GRM8: variants seen among roughly 807,000 people sequenced by gnomAD.
The protein encoded by GRM8 is metabotropic glutamate receptor 8.
GRM8 carries 47 observed loss-of-function variants against 87.2 expected under a neutral mutation model. The ratio of observed to expected loss-of-function variants is 0.54; its 90% CI spans 0.43 to 0.69. The LOEUF (loss-of-function observed/expected upper bound fraction) is 0.69, where lower values mean the gene tolerates loss of function less well. GRM8 is among the 30% of genes least tolerant of loss of function. GRM8 has a pLI of 0.00. For synonymous variants in GRM8, 396 were observed against 404.5 expected (o/e 0.98, Z 0.25); for missense variants, 1,019 against 1,139.2 (o/e 0.89, Z 1.52).
Position 126,553,221 on chromosome 7 carries a change from T to A in GRM8, c.1495-19334A>T, listed in dbSNP as rs541677203. Among the ~76,000 whole-genome samples, 19 of 152,282 alleles carry A rather than the reference T, an allele frequency of 1.2e-4. No homozygotes were observed. The East Asian group carries it at 3.5e-3, about 28-fold the overall frequency. ...CTATTTTCTATTTCCCATTTTAACA[T>A]CTCTATAATAAACAACAGATAAATT... On this transcript the variant is annotated intron_variant, in intron 8 of 10. Transcript: ENST00000339582.
At chr7:126,452,185 C>CA (rs994819644) in intron 9 of GRM8, among the ~76,000 whole-genome samples, 87 of 148,714 alleles carry the variant, frequency 5.9e-4, no homozygotes, top group African/African-American at 2.1e-3. Flanking sequence ...ATCACAAGGA[C>CA]AAAAAACCAA....
At position 126,902,596 on chromosome 7, in the gene GRM8, C is replaced by T. The variant is rs1429660460; in HGVS notation, c.1102G>A (p.Gly368Ser). Residue 368 changes from glycine to serine, a missense_variant, in exon 6 of 11, where the codon GGC (glycine) becomes AGC (serine). Physicochemically the swap from Gly to Ser is moderately conservative, Grantham distance 56. Transcript: ENST00000339582. The part of the protein sequence containing the change: ...WFAEFWEENF[G>S]CKLGSHGKRN... ...TTCCCATGTGATCCTAACTTGCAGCCAAAATTCTCCTCCCAGAATTCTGCA... is the reference window on the plus strand; with the variant it reads ...TTCCCATGTGATCCTAACTTGCAGCTAAAATTCTCCTCCCAGAATTCTGCA... The T allele has an allele frequency of 1.2e-6, 2 of 1,610,062 alleles. No homozygotes were observed. The highest frequency in any genetic ancestry group is 1.3e-5 in the African/African-American group (1 of 74,774).
intron 3 of GRM8, chr7:127,095,654 CTG>C (rs1824576338): frequency 6.6e-6 from 1 of 152,208 alleles, no homozygotes. Flanking sequence ...TCATATGCCA[CTG>C]TGTACTTCCT....
chr7:127,217,513 T>C (rs1405066943), intron 2 of GRM8, among the ~76,000 whole-genome samples: 1 of 152,234 alleles, frequency 6.6e-6, no homozygotes, highest in Non-Finnish European at 1.5e-5. Flanking sequence ...TTTTGGCCTC[T>C]TGTCCAGAGA....
Position 126,446,228 on chromosome 7 carries a change from C to A in GRM8, c.2575G>T (p.Val859Leu), listed in dbSNP as rs539871947. The change falls in exon 10 of 11, where the codon GTG (valine) becomes TTG (leucine). Residue 859 changes from valine (V) to leucine (L), a missense_variant. Transcript: ENST00000339582. ...VQKRKRSFKA[V>L]VTAATMQSKL... The stretch of plus-strand genomic sequence containing the variant: ...CTTTGCATGGTGGCAGCTGTCACCA[C>A]AGCCTTGAAGCTCCTCTTGCGTTTT... The A allele has an allele frequency of 6.2e-7, 1 of 1,613,050 alleles. No individual in the cohort carries two copies. The highest frequency in any genetic ancestry group is 2.2e-5 in the East Asian group (1 of 44,784).
intron 3 of GRM8, among the ~76,000 whole-genome samples, chr7:126,991,710 A>C (rs1362946963): frequency 6.6e-6 from 1 of 152,212 alleles, no homozygotes; most frequent in Non-Finnish European, 1.5e-5. Context: ...GTGAACTTCT[A>C]CTAAAGCAAA....
intron 7 of GRM8, among the ~76,000 whole-genome samples, chr7:126,722,229 C>T (rs1290990356): frequency 1.3e-5 from 2 of 152,146 alleles, no homozygotes; most frequent in Admixed American, 1.3e-4. Flanking sequence ...TTTCTCTCTA[C>T]AGAGTGCCCT....
chr7:126,631,315 T>C (rs940222788), intron 7 of GRM8, among the ~76,000 whole-genome samples: 12 of 151,798 alleles, frequency 7.9e-5, no homozygotes, highest in African/African-American at 2.7e-4. Context: ...CCTAGGAATA[T>C]AGCTAACAAG....
Position 126,770,050 on chromosome 7 carries a change from G to A in GRM8, c.1172C>T (p.Ala391Val). Residue 391 changes from alanine (A) to valine (V), a missense_variant, in exon 7 of 11, where the codon GCT becomes GTT. Coordinates refer to ENST00000339582, the MANE Select transcript of GRM8 (RefSeq NM_000845.3). Reference protein sequence around the residue: ...IKKCTGLERIARDSSYEQEGK... With the variant: ...IKKCTGLERIVRDSSYEQEGK... ...TTCCTGTTCATAAGATGAATCCCGAGCAATTCGCTCCAGCCCTGCAAAATA... is the reference window on the plus strand; with the variant it reads ...TTCCTGTTCATAAGATGAATCCCGAACAATTCGCTCCAGCCCTGCAAAATA... 6.2e-7 allele frequency: 1 copy of A among 1,611,532 alleles called. No individual in the cohort carries two copies. Among genetic ancestry groups the A allele is most frequent in the Non-Finnish European group, 8.5e-7 (1 of 1,178,332 alleles).
At chr7:126,715,975 C>T (rs1014537806) in intron 7 of GRM8, among the ~76,000 whole-genome samples, 1 of 152,048 alleles carries the variant, frequency 6.6e-6, no homozygotes, top group Non-Finnish European at 1.5e-5. Flanking sequence ...TATAATTGAA[C>T]TCTGTTCTCT....
intron 9 of GRM8, among the ~76,000 whole-genome samples, chr7:126,493,214 A>G (rs1306525337): frequency 1.3e-5 from 2 of 152,080 alleles, no homozygotes; most frequent in African/African-American, 4.8e-5. Context: ...GAGGGTAGAA[A>G]GCATCCAGCT....
chr7:126,539,370 T>A (rs1279371594), intron 8 of GRM8, among the ~76,000 whole-genome samples: 5 of 152,078 alleles, frequency 3.3e-5, no homozygotes, highest in African/African-American at 1.2e-4. Context: ...TTTCCCACAT[T>A]GATCTGCATA....
At chr7:126,702,038 C>T (rs747138842) in intron 7 of GRM8, among the ~76,000 whole-genome samples, 1 of 152,110 alleles carries the variant, frequency 6.6e-6, no homozygotes, top group East Asian at 1.9e-4. Flanking sequence ...CAATGAGTGT[C>T]GTTTAGTGAA....
chr7:126,635,314 C>A (rs1319105131), intron 7 of GRM8, among the ~76,000 whole-genome samples: 1 of 152,114 alleles, frequency 6.6e-6, no homozygotes, highest in Non-Finnish European at 1.5e-5. Flanking sequence ...TGCCTTATAG[C>A]TATTTATGCT....
chr7:127,022,093 T>G (rs934387097), intron 3 of GRM8, among the ~76,000 whole-genome samples: 2 of 152,086 alleles, frequency 1.3e-5, no homozygotes, highest in Non-Finnish European at 1.5e-5. Flanking sequence ...AACATCATAG[T>G]AAGCCATAGT....
At chr7:126,522,990 T>C (rs982123138) in intron 9 of GRM8, among the ~76,000 whole-genome samples, 6 of 152,244 alleles carry the variant, frequency 3.9e-5, no homozygotes, top group African/African-American at 9.6e-5. Context: ...ATAAATACTT[T>C]TGATGAAATG....
At chr7:127,129,515 C>T in intron 2 of GRM8, among the ~76,000 whole-genome samples, 1 of 152,134 alleles carries the variant, frequency 6.6e-6, no homozygotes, top group East Asian at 1.9e-4. Context: ...TTCCCAAACA[C>T]TTGTGCAAAA....
chr7:127,218,714 A>C lies in GRM8; in HGVS notation c.510+23981T>G, dbSNP rs993391647. On this transcript the variant is annotated intron_variant, in intron 2 of 10. Coordinates refer to ENST00000339582, the MANE Select transcript of GRM8 (RefSeq NM_000845.3). ...GAGTAGACGGAACTGAAGAAAATCC[A>C]TCCTCTCTGCTGGAAAGCAACCCAC... Among the ~76,000 whole-genome samples the C allele has an allele frequency of 2.0e-5, 3 of 152,210 alleles. 1 individual carries two copies. In the South Asian group the frequency reaches 6.2e-4, roughly 32 times the overall value.
intron 6 of GRM8, among the ~76,000 whole-genome samples, chr7:126,827,021 G>C (rs1451638119): frequency 6.6e-6 from 1 of 152,170 alleles, no homozygotes; most frequent in African/African-American, 2.4e-5. Flanking sequence ...AGATCAGATA[G>C]TTGTAGATAT....
Sources: allele counts gnomAD v4.1 joint callset (sites outside exome capture counted in the v4.1 genomes callset), GRCh38; gene constraint gnomAD v4.1.1; transcripts MANE v1.5; gene names NCBI Gene and HGNC (gene_info 2026-07-23, HGNC 2026-07-21).